ABCC1: variants seen among roughly 807,000 people sequenced by gnomAD.
The protein encoded by ABCC1 is multidrug resistance-associated protein 1.
ABCC1 carries 83 observed loss-of-function variants against 172.9 expected under a neutral mutation model. The observed-to-expected ratio is 0.48, with a 90% CI of 0.40 to 0.58. The LOEUF is 0.58. Ranked by LOEUF, ABCC1 falls within the 20% of genes least tolerant of loss-of-function variation. The pLI is 0.00. For synonymous variants in ABCC1, 937 were observed against 825.2 expected, an observed-to-expected ratio of 1.14 and a Z score of -2.32; for missense variants, 1,817 against 2,002.7, an observed-to-expected ratio of 0.91 and a Z score of 1.77.
In ABCC1 at chr16:16,117,904, T is replaced by TA. The variant is rs200673804; in HGVS notation, c.3390+2837dup. 2.6e-4 allele frequency among the ~76,000 whole-genome samples: 40 copies of TA among 151,482 alleles called. 1 individual carries two copies. The highest frequency in any genetic ancestry group is 7.0e-4 in the African/African-American group (29 of 41,280). On this transcript the variant is annotated intron_variant, in intron 23 of 30. Transcript: ENST00000399410. The stretch of plus-strand genomic sequence containing the variant: ...CTGGGCAACAGAGTGATACTCTGTC[T>TA]AAAAAAAAACAGAGAAGTTTCTGTT...
intron 23 of ABCC1, among the ~76,000 whole-genome samples, chr16:16,117,279 A>G (rs1327687897): frequency 5.3e-5 from 8 of 152,206 alleles, no homozygotes; most frequent in African/African-American, 1.9e-4. Context: ...AAGAAGAATG[A>G]GAGCACCACG....
rs921746011 is a variant in ABCC1, at chr16:16,115,506, C to T, written c.3390+430C>T. On this transcript the variant is annotated intron_variant, in intron 23 of 30. Transcript: ENST00000399410. ...GTTAACAGGTGCGCACCACCACGGCCGGCTAATTTTTGTATTTTTAGTAGA... is the reference window on the plus strand; with the variant it reads ...GTTAACAGGTGCGCACCACCACGGCTGGCTAATTTTTGTATTTTTAGTAGA... 1.1e-4 allele frequency among the ~76,000 whole-genome samples: 17 copies of T among 151,926 alleles called. 1 individual carries two copies. Among genetic ancestry groups the T allele is most frequent in the South Asian group, 2.1e-4 (1 of 4,818 alleles).
At chr16:15,962,925 T>A (rs977646042) in intron 1 of ABCC1, among the ~76,000 whole-genome samples, 7 of 152,154 alleles carry the variant, frequency 4.6e-5, no homozygotes, top group African/African-American at 1.7e-4. Flanking sequence ...TTCCCCAAAG[T>A]CTTAACTCAT....
chr16:16,028,976 C>G (rs1052616497), intron 5 of ABCC1, among the ~76,000 whole-genome samples: 1 of 152,076 alleles, frequency 6.6e-6, no homozygotes, highest in East Asian at 1.9e-4. Context: ...GGGTCCTCCC[C>G]CTGGAGGTGC....
At position 16,044,437 on chromosome 16, in the gene ABCC1, C is replaced by G; in HGVS notation, c.810-13C>G. The G allele has an allele frequency of 6.2e-7, 1 of 1,611,380 alleles. No individual in the cohort carries two copies. Among genetic ancestry groups the G allele is most frequent in the Non-Finnish European group, 8.5e-7 (1 of 1,177,840 alleles). On this transcript the variant is annotated splice_polypyrimidine_tract_variant and intron_variant, in intron 7 of 30. Transcript: ENST00000399410. ...GGCAGACCCCACAACGGCTTCACCT[C>G]CTTGTGTTCCAGGCAGCCGGTGAAG...
At chr16:16,138,997 G>A (rs750904505) in intron 30 of ABCC1, among the ~76,000 whole-genome samples, 10 of 152,280 alleles carry the variant, frequency 6.6e-5, no homozygotes, top group East Asian at 5.8e-4. Context: ...GGCATGAACC[G>A]CTGTGCCCAG....
At chr16:15,976,793 T>A (rs1007896410) in intron 1 of ABCC1, among the ~76,000 whole-genome samples, 5 of 152,178 alleles carry the variant, frequency 3.3e-5, no homozygotes, top group African/African-American at 1.2e-4. Context: ...CAACATTGTG[T>A]GCAATAGCCA....
In ABCC1 at chr16:15,999,010, T is replaced by A. The variant is rs540321014; in HGVS notation, c.49-8806T>A. Among the ~76,000 whole-genome samples the A allele has an allele frequency of 9.9e-4, 151 of 152,248 alleles. 1 individual carries two copies. The highest frequency in any genetic ancestry group is 3.4e-3 in the African/African-American group (140 of 41,572). On this transcript the variant is annotated intron_variant, in intron 1 of 30. Transcript: ENST00000399410. Reference sequence around the variant, plus strand: ...TAAAAAAATTAAAAAAAAATTTTTATATTTTTTTGAGACGGAGTCTCGCTC... The same window carrying A: ...TAAAAAAATTAAAAAAAAATTTTTAAATTTTTTTGAGACGGAGTCTCGCTC...
At chr16:16,034,611 GGA>G (rs2048684824) in intron 6 of ABCC1, among the ~76,000 whole-genome samples, 1 of 111,924 alleles carries the variant, frequency 8.9e-6, no homozygotes, top group Admixed American at 1.1e-4. Context: ...TTTTTGAGAT[GGA>G]GTCTTGCTCT....
At chr16:16,025,488 A>T (rs2048338368) in intron 5 of ABCC1, among the ~76,000 whole-genome samples, 1 of 152,184 alleles carries the variant, frequency 6.6e-6, no homozygotes, top group Non-Finnish European at 1.5e-5. Context: ...CACTGCTCTA[A>T]ACATTATTGC....
intron 11 of ABCC1, among the ~76,000 whole-genome samples, chr16:16,053,065 C>T (rs2049499873): frequency 6.6e-6 from 1 of 152,088 alleles, no homozygotes; most frequent in South Asian, 2.1e-4. Context: ...ATTGGGCAGC[C>T]AAGATTGAGA....
At chr16:16,039,676 G>A (rs1303760193) in intron 7 of ABCC1, among the ~76,000 whole-genome samples, 9 of 152,136 alleles carry the variant, frequency 5.9e-5, no homozygotes, top group Non-Finnish European at 1.3e-4. Context: ...CTGTTTTCGA[G>A]CCTCTGGCAT....
In ABCC1 at chr16:16,138,349, T is replaced by A; in HGVS notation, c.4293-15T>A. ...TGACCCAACACTATCTCCTGGTTTT[T>A]TTCTTCCGGTCAAGTGTCGGGCAGC... is the stretch of plus-strand genomic sequence containing the variant. On this transcript the variant is annotated splice_polypyrimidine_tract_variant and intron_variant, in intron 29 of 30. Transcript: ENST00000399410. 6.4e-7 allele frequency: 1 copy of A among 1,569,216 alleles called. No individual in the cohort carries two copies. Among genetic ancestry groups the A allele is most frequent in the Non-Finnish European group, 8.7e-7 (1 of 1,147,376 alleles).
At chr16:15,960,909 C>T (rs566112513) in intron 1 of ABCC1, among the ~76,000 whole-genome samples, 13 of 151,714 alleles carry the variant, frequency 8.6e-5, no homozygotes, top group East Asian at 5.8e-4. Flanking sequence ...CCAGGGAAGG[C>T]GCTTACCAGC....
intron 1 of ABCC1, among the ~76,000 whole-genome samples, chr16:15,966,189 C>T (rs1187827069): frequency 2.0e-5 from 3 of 151,750 alleles, no homozygotes; most frequent in African/African-American, 4.8e-5. Context: ...CCGAGGTGGG[C>T]GGATCACGAG....
chr16:16,043,660 G>A (rs1266903445), intron 7 of ABCC1, among the ~76,000 whole-genome samples: 3 of 151,540 alleles, frequency 2.0e-5, no homozygotes, highest in Non-Finnish European at 4.4e-5. Context: ...GGAGTGCAAT[G>A]GCCTGATCTC....
intron 30 of ABCC1, among the ~76,000 whole-genome samples, chr16:16,139,808 C>T (rs754985399): frequency 2.6e-5 from 4 of 152,000 alleles, no homozygotes; most frequent in Non-Finnish European, 5.9e-5. Flanking sequence ...TGGGTCATCT[C>T]TGAAGAGGTG....
At chr16:16,023,404 T>C (rs1458009829) in intron 5 of ABCC1, among the ~76,000 whole-genome samples, 1 of 152,188 alleles carries the variant, frequency 6.6e-6, no homozygotes, top group Non-Finnish European at 1.5e-5. Flanking sequence ...TTTAAACCCC[T>C]GTCAAGATAT....
At chr16:16,074,944 TTTC>T (rs972775625) in intron 14 of ABCC1, among the ~76,000 whole-genome samples, 1 of 108,380 alleles carries the variant, frequency 9.2e-6, no homozygotes, top group African/African-American at 3.7e-5. Context: ...GTTTTTTCTT[TTTC>T]TTTTTTTTTT....
Sources: allele counts gnomAD v4.1 joint callset (sites outside exome capture counted in the v4.1 genomes callset), GRCh38; gene constraint gnomAD v4.1.1; transcripts MANE v1.5; gene names NCBI Gene and HGNC (gene_info 2026-07-23, HGNC 2026-07-21).